Variants in KIAA1217 observed in about 807,000 individuals in gnomAD.
The protein encoded by KIAA1217 is KIAA1217, also known as sickle tail protein homolog.
KIAA1217 carries 88 observed loss-of-function variants against 163.9 expected under a neutral mutation model. That is an observed-to-expected ratio of 0.54 (90% CI 0.45 to 0.64). The LOEUF (loss-of-function observed/expected upper bound fraction) is 0.64. Among genes scored for constraint, KIAA1217 ranks in the 30% least tolerant of loss-of-function variants. The pLI is 0.00. For missense variants in KIAA1217, 2,372 were observed against 2,475.0 expected, an observed-to-expected ratio of 0.96 and a Z score of 0.88; for synonymous variants, 903 against 923.1, an observed-to-expected ratio of 0.98 and a Z score of 0.39.
At position 24,477,936 on chromosome 10, in the gene KIAA1217, C is replaced by A. The variant is rs78221548; in HGVS notation, c.1679+3876C>A. ...TTTTCAACCCCTTAAAGCTTAACTT[C>A]ATGAGCACAGGGTCGTATAAAGAAC... On this transcript the variant is annotated intron_variant, in intron 6 of 20. Coordinates refer to ENST00000376454, the MANE Select transcript of KIAA1217 (RefSeq NM_019590.5). Among the ~76,000 whole-genome samples, 522 of 152,296 alleles carry A rather than the reference C, an allele frequency of 3.4e-3. 2 individuals carry two copies. Among genetic ancestry groups the A allele is most frequent in the African/African-American group, 0.012 (504 of 41,560 alleles).
intron 2 of KIAA1217, among the ~76,000 whole-genome samples, chr10:24,223,255 G>A (rs937339889): frequency 1.3e-5 from 2 of 152,052 alleles, no homozygotes; most frequent in African/African-American, 2.4e-5. Context: ...TGGTTCAAAC[G>A]CCCCTAACAC....
At chr10:24,317,050 T>A (rs1238822533) in intron 2 of KIAA1217, among the ~76,000 whole-genome samples, 1 of 152,132 alleles carries the variant, frequency 6.6e-6, no homozygotes. Flanking sequence ...AGGCTAGAAT[T>A]ATAAATTATT....
At chr10:23,920,823 C>T (rs1395611332) in intron 1 of KIAA1217, among the ~76,000 whole-genome samples, 5 of 152,116 alleles carry the variant, frequency 3.3e-5, no homozygotes, top group Non-Finnish European at 5.9e-5. Context: ...TCTCATAATC[C>T]TCATGTATCA....
At chr10:24,045,034 A>G (rs559943666) in intron 2 of KIAA1217, among the ~76,000 whole-genome samples, 1 of 152,330 alleles carries the variant, frequency 6.6e-6, no homozygotes, top group South Asian at 2.1e-4. Flanking sequence ...ACTAAATGAC[A>G]GGTAAACTTT....
At chr10:23,987,160 G>C (rs1318791881) in intron 1 of KIAA1217, among the ~76,000 whole-genome samples, 3 of 151,908 alleles carry the variant, frequency 2.0e-5, no homozygotes, top group South Asian at 4.2e-4. Context: ...GGTGTATCAC[G>C]AGGTCAGGAG....
upstream of KIAA1217, among the ~76,000 whole-genome samples, chr10:24,205,999 C>T (rs1318351939): frequency 6.6e-6 from 1 of 152,166 alleles, no homozygotes; most frequent in African/African-American, 2.4e-5. Flanking sequence ...TTTGTCTTTA[C>T]AGCACTCTTT....
At chr10:23,981,998 G>C (rs1268172103) in intron 1 of KIAA1217, among the ~76,000 whole-genome samples, 1 of 151,932 alleles carries the variant, frequency 6.6e-6, no homozygotes, top group Middle Eastern at 3.4e-3. Flanking sequence ...TTGAGAGGTA[G>C]AGAGCAAAAG....
chr10:24,210,601 A>C (rs2067957473), intron 1 of KIAA1217, among the ~76,000 whole-genome samples: 1 of 152,144 alleles, frequency 6.6e-6, no homozygotes, highest in Admixed American at 6.5e-5. Flanking sequence ...ACTTTCCAAC[A>C]ATCAGGGCAA....
intron 5 of KIAA1217, among the ~76,000 whole-genome samples, chr10:24,450,663 A>G (rs1329057564): frequency 6.6e-6 from 1 of 152,222 alleles, no homozygotes; most frequent in Non-Finnish European, 1.5e-5. Flanking sequence ...TTGTTATCCA[A>G]TGTGGTTTAC....
At chr10:23,943,884 A>T (rs545741668) in intron 1 of KIAA1217, among the ~76,000 whole-genome samples, 6 of 152,364 alleles carry the variant, frequency 3.9e-5, no homozygotes, top group Non-Finnish European at 8.8e-5. Flanking sequence ...TGGATACACA[A>T]TGAAAAACTA....
intron 6 of KIAA1217, among the ~76,000 whole-genome samples, chr10:24,485,708 C>T (rs2065303917): frequency 6.6e-6 from 1 of 152,202 alleles, no homozygotes; most frequent in Non-Finnish European, 1.5e-5. Flanking sequence ...CAATGGTTTA[C>T]AGGTTATAAT....
intron 1 of KIAA1217, among the ~76,000 whole-genome samples, chr10:23,945,427 A>G (rs1455906754): frequency 6.6e-6 from 1 of 152,210 alleles, no homozygotes; most frequent in East Asian, 1.9e-4. Context: ...AAACTAATTT[A>G]TGGTGATAGA....
rs11396330 is a variant in KIAA1217, at chr10:23,814,819, C to CAAA, written c.-321+119594_-321+119596dup. Among the ~76,000 whole-genome samples, 11 of 146,200 alleles carry CAAA rather than the reference C, an allele frequency of 7.5e-5. No individual in the cohort carries two copies. In the South Asian group the frequency reaches 1.5e-3, roughly 20 times the overall value. ...TATTTTAAATCATTTAGTAGATAAC[C>CAAA]AAAAAAAAAAATCACTTAAGAGTCT... On this transcript the variant is annotated intron_variant, in intron 1 of 18. Coordinates refer to the KIAA1217 transcript ENST00000376462.
intron 1 of KIAA1217, among the ~76,000 whole-genome samples, chr10:23,904,421 A>G (rs578179110): frequency 6.6e-6 from 1 of 152,288 alleles, no homozygotes; most frequent in Non-Finnish European, 1.5e-5. Context: ...GGGATAGGCT[A>G]TGTTTTACTA....
At chr10:24,245,810 T>C (rs923019647) in intron 2 of KIAA1217, among the ~76,000 whole-genome samples, 2 of 151,168 alleles carry the variant, frequency 1.3e-5, no homozygotes, top group Admixed American at 6.6e-5. Flanking sequence ...TTTTTTTTTT[T>C]TCTTTTAGGT....
intron 2 of KIAA1217, among the ~76,000 whole-genome samples, chr10:24,359,960 CT>C (rs200265155): frequency 1.4e-4 from 20 of 139,490 alleles, no homozygotes; most frequent in Non-Finnish European, 2.0e-4. Context: ...TTTAGTAGCT[CT>C]TTTTTTTTAA....
At chr10:24,472,657 G>C (rs186220820) in intron 5 of KIAA1217, among the ~76,000 whole-genome samples, 4 of 152,240 alleles carry the variant, frequency 2.6e-5, no homozygotes, top group African/African-American at 9.6e-5. Flanking sequence ...CTCTCCATCA[G>C]GTGTATTCAT....
At chr10:24,307,369 C>G (rs1471524424) in intron 2 of KIAA1217, among the ~76,000 whole-genome samples, 1 of 152,134 alleles carries the variant, frequency 6.6e-6, no homozygotes, top group Non-Finnish European at 1.5e-5. Flanking sequence ...CTATTATTTC[C>G]TGTGTTAAGC....
At chr10:24,461,529 T>G (rs2062409030) in intron 5 of KIAA1217, among the ~76,000 whole-genome samples, 4 of 152,074 alleles carry the variant, frequency 2.6e-5, no homozygotes, top group African/African-American at 7.2e-5. Context: ...TAGTTTTTTG[T>G]ACTTTTAGTA....
Sources: allele counts gnomAD v4.1 joint callset (sites outside exome capture counted in the v4.1 genomes callset), GRCh38; gene constraint gnomAD v4.1.1; transcripts MANE v1.5; gene names NCBI Gene and HGNC (gene_info 2026-07-23, HGNC 2026-07-21).